FBXL7: variants seen among roughly 807,000 people sequenced by gnomAD.
The protein encoded by FBXL7 is F-box/LRR-repeat protein 7.
A neutral mutation model predicts 38.3 loss-of-function variants in FBXL7; 12 were observed. That is an observed-to-expected ratio of 0.31 (90% CI 0.20 to 0.51). FBXL7 has a LOEUF of 0.51. Ranked by LOEUF, FBXL7 falls within the 20% of genes least tolerant of loss-of-function variation. The probability of loss-of-function intolerance (pLI) is 0.98; values close to 1 mark genes in which losing one functional copy is unlikely to be tolerated. For missense variants in FBXL7, 567 were observed against 676.4 expected (o/e 0.84, Z 1.79); for synonymous variants, 297 against 300.9 (o/e 0.99, Z 0.13).
chr5:15,895,725 A>G lies in FBXL7; in HGVS notation c.128-32165A>G, dbSNP rs188081622. Among the ~76,000 whole-genome samples, 1,165 of 145,156 alleles carry G rather than the reference A, an allele frequency of 8.0e-3. 7 individuals carry two copies. Among genetic ancestry groups the G allele is most frequent in the Non-Finnish European group, 0.014 (911 of 66,490 alleles). On this transcript the variant is annotated intron_variant, in intron 2 of 3. Transcript: ENST00000504595. The stretch of plus-strand genomic sequence containing the variant: ...GTGGCGCAAACTCGGCTCACTGCAA[A>G]CTCTGCCTCCTGGGTTCACGCCATT...
intron 2 of FBXL7, among the ~76,000 whole-genome samples, chr5:15,718,057 C>A (rs1310273990): frequency 6.6e-6 from 1 of 152,084 alleles, no homozygotes; most frequent in Non-Finnish European, 1.5e-5. Context: ...AAGGTACATG[C>A]TGAAGTATTA....
At chr5:15,679,787 A>G (rs1213010895) in intron 2 of FBXL7, among the ~76,000 whole-genome samples, 1 of 152,160 alleles carries the variant, frequency 6.6e-6, no homozygotes, top group Admixed American at 6.5e-5. Context: ...AGTCATGGAG[A>G]ACTTTGTACT....
chr5:15,590,219 T>G (rs1335675275), intron 1 of FBXL7, among the ~76,000 whole-genome samples: 1 of 152,178 alleles, frequency 6.6e-6, no homozygotes. Context: ...ATTTATCTGC[T>G]GCCTCATCTG....
chr5:15,697,877 A>G (rs1743388601), intron 2 of FBXL7, among the ~76,000 whole-genome samples: 1 of 152,236 alleles, frequency 6.6e-6, no homozygotes, highest in South Asian at 2.1e-4. Context: ...TAGAGCTAAG[A>G]GCTAAAGAAA....
intron 1 of FBXL7, among the ~76,000 whole-genome samples, chr5:15,594,726 TTGCGTATAACC>T (rs1739574046): frequency 6.6e-6 from 1 of 152,236 alleles, no homozygotes; most frequent in Admixed American, 6.5e-5. Flanking sequence ...GACTGGCTCT[TTGCGTATAACC>T]TGTACCAGTG....
Position 15,937,058 on chromosome 5 carries a change from G to T in FBXL7, c.1348G>T (p.Ala450Ser). The T allele has an allele frequency of 6.2e-7, 1 of 1,613,970 alleles. No homozygotes were observed. Among genetic ancestry groups the T allele is most frequent in the South Asian group, 1.1e-5 (1 of 91,074 alleles). ...CACCGGCCAGGGCTTGCAGATCGTG[G>T]CCGCCAACTGCTTTGACCTCCAGAC... ...SITGQGLQIV[A>S]ANCFDLQTLN... Residue 450 changes from alanine to serine, a missense_variant, in exon 4 of 4, where the codon GCC becomes TCC. Transcript: ENST00000504595.
At chr5:15,808,410 A>G (rs990751777) in intron 2 of FBXL7, among the ~76,000 whole-genome samples, 2 of 152,084 alleles carry the variant, frequency 1.3e-5, no homozygotes, top group East Asian at 3.9e-4. Flanking sequence ...TGGACTTGCG[A>G]TAGCCAATGA....
At chr5:15,774,776 C>T (rs1579452060) in intron 2 of FBXL7, among the ~76,000 whole-genome samples, 1 of 152,174 alleles carries the variant, frequency 6.6e-6, no homozygotes, top group East Asian at 1.9e-4. Flanking sequence ...TTTTCTGATT[C>T]TCACTCTTGA....
chr5:15,904,024 T>C (rs967809357), intron 2 of FBXL7, among the ~76,000 whole-genome samples: 7 of 152,166 alleles, frequency 4.6e-5, no homozygotes, highest in Non-Finnish European at 8.8e-5. Context: ...TACAGCACTG[T>C]TAGTATACCT....
chr5:15,889,039 C>G (rs1224058325), intron 2 of FBXL7, among the ~76,000 whole-genome samples: 1 of 151,998 alleles, frequency 6.6e-6, no homozygotes, highest in South Asian at 2.1e-4. Context: ...GGGCCTTGGT[C>G]TCTCCACATC....
rs1580339175 is a variant in FBXL7 at position 15,500,536 on chromosome 5, C to G, written c.-141C>G. 7.6e-6 allele frequency: 9 copies of G among 1,187,614 alleles called. No homozygotes were observed. Among genetic ancestry groups the G allele is most frequent in the Non-Finnish European group, 1.1e-5 (9 of 793,274 alleles). The allele number at this position is 1,187,614 out of a possible 1,614,324, so 73.6% of individuals were successfully genotyped here. Reference sequence around the variant, plus strand: ...TCCCACTGGAGTGCGGGGACCTCTCCAGGCCGGAGGTCGGCCCCGGAGCTT... The same window carrying G: ...TCCCACTGGAGTGCGGGGACCTCTCGAGGCCGGAGGTCGGCCCCGGAGCTT... On this transcript the variant is annotated 5_prime_UTR_variant, in exon 1 of 4. Coordinates refer to ENST00000504595, the MANE Select transcript of FBXL7 (RefSeq NM_012304.5).
chr5:15,637,002 C>T (rs1741208569), intron 2 of FBXL7, among the ~76,000 whole-genome samples: 1 of 152,076 alleles, frequency 6.6e-6, no homozygotes, highest in South Asian at 2.1e-4. Flanking sequence ...ATGAATGACA[C>T]AGCCTTGTAT....
intron 2 of FBXL7, among the ~76,000 whole-genome samples, chr5:15,718,305 TGAG>T (rs1002575213): frequency 5.9e-5 from 9 of 152,320 alleles, no homozygotes; most frequent in African/African-American, 1.7e-4. Context: ...AATAAAAAGT[TGAG>T]GAGAAAACGG....
chr5:15,916,541 A>G (rs923383263), intron 2 of FBXL7, among the ~76,000 whole-genome samples: 1 of 152,194 alleles, frequency 6.6e-6, no homozygotes, highest in African/African-American at 2.4e-5. Flanking sequence ...CACAAAAGAG[A>G]GTGAGCAAAG....
intron 2 of FBXL7, among the ~76,000 whole-genome samples, chr5:15,704,134 GTGGAGGAAGT>G (rs771732254): frequency 3.3e-5 from 5 of 152,166 alleles, no homozygotes; most frequent in Non-Finnish European, 5.9e-5. Flanking sequence ...AAGGAGGAGG[GTGGAGGAAGT>G]TGAGAAAGAC....
At chr5:15,538,229 T>G (rs533011) in intron 1 of FBXL7, among the ~76,000 whole-genome samples, 95,314 of 152,066 alleles carry the variant, frequency 0.63, 31,828 homozygotes, top group African/African-American at 0.88. Flanking sequence ...ACATTGAAAT[T>G]GTGACCCAAT....
chr5:15,686,461 C>G (rs1196077254), intron 2 of FBXL7, among the ~76,000 whole-genome samples: 3 of 152,128 alleles, frequency 2.0e-5, no homozygotes, highest in Admixed American at 1.3e-4. Flanking sequence ...CTTCCTGATC[C>G]CTCTATCTGA....
At chr5:15,576,670 T>G (rs1030805212) in intron 1 of FBXL7, among the ~76,000 whole-genome samples, 5 of 152,102 alleles carry the variant, frequency 3.3e-5, no homozygotes, top group African/African-American at 1.2e-4. Context: ...TCACTGACAT[T>G]GAAGATACCT....
intron 2 of FBXL7, among the ~76,000 whole-genome samples, chr5:15,683,591 T>C (rs1180849755): frequency 6.6e-6 from 1 of 152,230 alleles, no homozygotes; most frequent in Non-Finnish European, 1.5e-5. Context: ...AGGAAATTTA[T>C]TTCACAATAG....
Sources: gnomAD v4.1 joint callset for allele counts (sites outside exome capture counted in the v4.1 genomes callset) on GRCh38, gnomAD v4.1.1 for gene constraint, MANE v1.5 for transcripts, NCBI Gene and HGNC (gene_info 2026-07-23, HGNC 2026-07-21) for gene names.